PLCZ1: variants seen among roughly 807,000 people sequenced by gnomAD.
PLCZ1 encodes the protein phospholipase C zeta 1.
PLCZ1 carries 64 observed loss-of-function variants against 76.8 expected under a neutral mutation model. The observed-to-expected ratio is 0.83, with a 90% CI of 0.68 to 1.03. The LOEUF is 1.03. Ranked by LOEUF, PLCZ1 falls within the 50% of genes least tolerant of loss-of-function variation. PLCZ1 has a pLI of 0.00. For missense variants in PLCZ1, 751 were observed against 713.7 expected (o/e 1.05, Z -0.60); for synonymous variants, 248 against 230.8 (o/e 1.07, Z -0.68).
At chr12:18,676,509 G>C in the PLCZ1 span, among the ~76,000 whole-genome samples, 1 of 152,018 alleles carries the variant, frequency 6.6e-6, no homozygotes, top group Non-Finnish European at 1.5e-5. Context: ...TGAGGACTCT[G>C]TTCTCTCCTG....
chr12:18,658,779 G>A, the PLCZ1 span, among the ~76,000 whole-genome samples: 1 of 152,064 alleles, frequency 6.6e-6, no homozygotes, highest in Non-Finnish European at 1.5e-5. Context: ...AAAAGGGAGA[G>A]AATGCTATAC....
At chr12:18,680,935 C>T (rs932981504), downstream of PLCZ1, among the ~76,000 whole-genome samples, 3 of 152,028 alleles carry the variant, frequency 2.0e-5, no homozygotes, top group Admixed American at 1.3e-4. Flanking sequence ...AAGGCTAAAG[C>T]GATACTTGGT....
the PLCZ1 span, among the ~76,000 whole-genome samples, chr12:18,655,920 C>T: frequency 9.7e-3 from 1,480 of 152,172 alleles, 23 homozygotes; most frequent in African/African-American, 0.034. Flanking sequence ...AATGTGGTAC[C>T]CTGGATGGGA....
chr12:18,665,981 A>G, the PLCZ1 span, among the ~76,000 whole-genome samples: 1 of 151,822 alleles, frequency 6.6e-6, no homozygotes, highest in Non-Finnish European at 1.5e-5. Flanking sequence ...TGCCTGAGGT[A>G]TGGAGCTATA....
At chr12:18,713,341 G>T (rs1957566655) in intron 5 of PLCZ1, among the ~76,000 whole-genome samples, 1 of 152,036 alleles carries the variant, frequency 6.6e-6, no homozygotes, top group Non-Finnish European at 1.5e-5. Context: ...ACTTATGGTG[G>T]CATTTACTGT....
intron 13 of PLCZ1, among the ~76,000 whole-genome samples, chr12:18,687,426 T>C (rs2137076281): frequency 6.6e-6 from 1 of 152,266 alleles, no homozygotes; most frequent in African/African-American, 2.4e-5. Flanking sequence ...TTCAAGGTGA[T>C]CCTGACCAGG....
chr12:18,665,722 G>C, the PLCZ1 span, among the ~76,000 whole-genome samples: 3 of 151,970 alleles, frequency 2.0e-5, no homozygotes, highest in Admixed American at 6.6e-5. Context: ...GGATCACGAG[G>C]TCAGGAGATC....
chr12:18,681,227 T>C (rs888674221), downstream of PLCZ1, among the ~76,000 whole-genome samples: 1 of 152,014 alleles, frequency 6.6e-6, no homozygotes, highest in Non-Finnish European at 1.5e-5. Context: ...CTGACTGTCA[T>C]TATCAGTTGT....
At chr12:18,665,181 T>TA in the PLCZ1 span, among the ~76,000 whole-genome samples, 11,029 of 151,262 alleles carry the variant, frequency 0.073, 520 homozygotes, top group Non-Finnish European at 0.1. Context: ...AAAAAAAAAT[T>TA]AAAAAAAATA....
At chr12:18,726,557 G>A (rs1808174005) in intron 3 of PLCZ1, among the ~76,000 whole-genome samples, 1 of 152,074 alleles carries the variant, frequency 6.6e-6, no homozygotes, top group Non-Finnish European at 1.5e-5. Context: ...ATAAACAAGG[G>A]AAAATAAAAT....
At chr12:18,665,254 AG>A in the PLCZ1 span, among the ~76,000 whole-genome samples, 1 of 152,100 alleles carries the variant, frequency 6.6e-6, no homozygotes, top group Non-Finnish European at 1.5e-5. Flanking sequence ...TATTGTTTAA[AG>A]GGTATATAGA....
the PLCZ1 span, among the ~76,000 whole-genome samples, chr12:18,674,597 G>A: frequency 2.0e-5 from 3 of 152,148 alleles, no homozygotes; most frequent in Non-Finnish European, 4.4e-5. Flanking sequence ...TCTTGAGAGA[G>A]TAAACCTACA....
chr12:18,665,945 A>C, the PLCZ1 span, among the ~76,000 whole-genome samples: 2 of 151,658 alleles, frequency 1.3e-5, no homozygotes, highest in Admixed American at 6.6e-5. Context: ...AAAAAAAAAA[A>C]AAAACTAGTT....
At chr12:18,701,119 G>T (rs1252615940) in intron 9 of PLCZ1, among the ~76,000 whole-genome samples, 1 of 151,916 alleles carries the variant, frequency 6.6e-6, no homozygotes. Flanking sequence ...CAAGTAGTTG[G>T]AACTACAGGC....
intron 9 of PLCZ1, among the ~76,000 whole-genome samples, chr12:18,701,270 C>A (rs891680951): frequency 6.6e-6 from 1 of 152,078 alleles, no homozygotes; most frequent in African/African-American, 2.4e-5. Context: ...CAGGCATGAG[C>A]CACCGTGCTC....
downstream of PLCZ1, among the ~76,000 whole-genome samples, chr12:18,679,236 A>G (rs964604792): frequency 1.3e-5 from 2 of 152,020 alleles, no homozygotes; most frequent in African/African-American, 4.8e-5. Context: ...TGATATATAT[A>G]TAGCTTACCT....
chr12:18,701,625 TCCTCCTCC>T (rs1955937851), intron 8 of PLCZ1, 57 bp from the exon 9 acceptor site: 4 of 1,556,202 alleles, frequency 2.6e-6, no homozygotes, highest in South Asian at 1.2e-5. Flanking sequence ...CTCCTCCTCC[TCCTCCTCC>T]TCCTCCTCCT....
intron 3 of PLCZ1, among the ~76,000 whole-genome samples, chr12:18,732,712 C>T (rs557969262): frequency 6.6e-6 from 1 of 152,298 alleles, no homozygotes; most frequent in Admixed American, 6.5e-5. Flanking sequence ...TAAGTGGTGT[C>T]ATGCACTATT....
the PLCZ1 span, among the ~76,000 whole-genome samples, chr12:18,676,505 C>T: frequency 6.6e-6 from 1 of 152,066 alleles, no homozygotes. Context: ...CACCTGAGGA[C>T]TCTGTTCTCT....
Sources: gnomAD v4.1 joint callset for allele counts (sites outside exome capture counted in the v4.1 genomes callset) on GRCh38, gnomAD v4.1.1 for gene constraint, MANE v1.5 for transcripts, NCBI Gene and HGNC (gene_info 2026-07-23, HGNC 2026-07-21) for gene names.